The following CRYBB2 variants were observed in gnomAD, a reference collection of about 807,000 sequenced individuals.
CRYBB2 encodes crystallin beta B2, also known as beta-crystallin B2.
CRYBB2 carries 12 observed loss-of-function variants against 24.3 expected under a neutral mutation model. The ratio of observed to expected loss-of-function variants is 0.49; its 90% confidence interval spans 0.32 to 0.80. CRYBB2 has a LOEUF of 0.80. CRYBB2 is among the 30% of genes least tolerant of loss of function. The pLI is 0.04. For missense variants in CRYBB2, 198 were observed against 268.5 expected (o/e 0.74, Z 1.83); for synonymous variants, 98 against 101.6 (o/e 0.96, Z 0.21).
At chr22:25,219,958 C>A (rs896114625) in intron 1 of CRYBB2, among the ~76,000 whole-genome samples, 8 of 152,008 alleles carry the variant, frequency 5.3e-5, no homozygotes, top group Non-Finnish European at 2.9e-5. Flanking sequence ...TTTCGCCAGT[C>A]GCTGAGGAGG....
chr22:25,218,705 G>GA (rs1935227408), upstream of CRYBB2, among the ~76,000 whole-genome samples: 3 of 47,274 alleles, frequency 6.3e-5, 1 homozygote, highest in Non-Finnish European at 9.9e-5. Context: ...AGAGAGAGAG[G>GA]GGGAGAGAGA....
rs11277566 is a variant in CRYBB2 at position 25,231,321 on chromosome 22, CCAGTA to C, written c.450-254_450-250del. On this transcript the variant is annotated intron_variant, in intron 5 of 5. Transcript: ENST00000398215. ...AAGATATCACCCCCTTGCTCTGACC[CCAGTA>C]CAGTACAGTACAGTACAGTACAGTA... Among the ~76,000 whole-genome samples, 48,701 of 149,370 alleles carry C rather than the reference CCAGTA, an allele frequency of 0.33. 8,855 individuals are homozygous for C. Among genetic ancestry groups the C allele is most frequent in the East Asian group, 0.48 (2,269 of 4,754 alleles).
intron 3 of CRYBB2, among the ~76,000 whole-genome samples, chr22:25,226,381 A>G (rs1400951368): frequency 3.9e-5 from 6 of 152,218 alleles, no homozygotes; most frequent in Non-Finnish European, 8.8e-5. Flanking sequence ...ATGCTTTAAA[A>G]TGGAGGTTCT....
At chr22:25,228,612 A>G (rs1935465102) in intron 4 of CRYBB2, among the ~76,000 whole-genome samples, 1 of 152,140 alleles carries the variant, frequency 6.6e-6, no homozygotes, top group Admixed American at 6.5e-5. Context: ...CCCAGGACCT[A>G]CTGGAAGGTT....
At chr22:25,218,041 T>C (rs181326899), upstream of CRYBB2, among the ~76,000 whole-genome samples, 556 of 149,480 alleles carry the variant, frequency 3.7e-3, 1 homozygote, top group Non-Finnish European at 5.9e-3. Flanking sequence ...GGGCGGATAA[T>C]GAGGTCAGGA....
Position 25,231,608 on chromosome 22 carries a change from G to A in CRYBB2, c.454G>A (p.Val152Ile). 6.2e-7 allele frequency: 1 copy of A among 1,614,104 alleles called. No homozygotes were observed. Among genetic ancestry groups the A allele is most frequent in the Non-Finnish European group, 8.5e-7 (1 of 1,180,008 alleles). ...CCATCACCTCTGGCCCTGCAGGTGG[G>A]TTGGCTACCAGTACCCCGGCTACCG... ...SSVRVQSGTW[V>I]GYQYPGYRGL... The change falls in exon 6 of 6, where the codon GTT becomes ATT. Residue 152 changes from valine (V) to isoleucine (I), a missense_variant. Transcript: ENST00000398215.
chr22:25,220,137 C>G (rs1935294701), intron 1 of CRYBB2, among the ~76,000 whole-genome samples: 1 of 152,098 alleles, frequency 6.6e-6, no homozygotes, highest in Non-Finnish European at 1.5e-5. Flanking sequence ...TGACAGGTCC[C>G]AGCAACAGGT....
chr22:25,227,745 G>T (rs142846156), intron 3 of CRYBB2, 108 bp from the exon 4 acceptor site: 1 of 1,583,570 alleles, frequency 6.3e-7, no homozygotes, highest in African/African-American at 1.3e-5. Flanking sequence ...ACATCTTGCC[G>T]GGCTGGGCAA....
At chr22:25,218,780 A>AGAGAGAGAGAG (rs1197095284), upstream of CRYBB2, among the ~76,000 whole-genome samples, 1 of 23,428 alleles carries the variant, frequency 4.3e-5, no homozygotes, top group Non-Finnish European at 8.9e-5. Context: ...AGAGAGAGAG[A>AGAGAGAGAGAG]AGAAAGAAAG....
chr22:25,220,312 A>T (rs75534620), intron 1 of CRYBB2, among the ~76,000 whole-genome samples: 2,282 of 152,294 alleles, frequency 0.015, 63 homozygotes, highest in African/African-American at 0.052. Flanking sequence ...ATTAGACATC[A>T]TTACTGTCCC....
At chr22:25,218,824 AAGAAAGAAAG>A (rs1569016476), upstream of CRYBB2, among the ~76,000 whole-genome samples, 1 of 118,314 alleles carries the variant, frequency 8.5e-6, no homozygotes, top group South Asian at 3.3e-4. Context: ...GAAAGAAAGA[AAGAAAGAAAG>A]AAAGAGAAAG....
chr22:25,214,753 G>A (rs1935145914), upstream of CRYBB2, among the ~76,000 whole-genome samples: 1 of 152,186 alleles, frequency 6.6e-6, no homozygotes, highest in South Asian at 2.1e-4. Context: ...GCAAGTGTGG[G>A]AAACTGAGGT....
At chr22:25,217,810 G>C (rs900519506), upstream of CRYBB2, among the ~76,000 whole-genome samples, 4 of 152,160 alleles carry the variant, frequency 2.6e-5, no homozygotes, top group African/African-American at 9.7e-5. Context: ...TAGGGGGCTG[G>C]GGCATGTGTG....
upstream of CRYBB2, among the ~76,000 whole-genome samples, chr22:25,218,169 G>T (rs1262773844): frequency 1.3e-5 from 2 of 151,758 alleles, no homozygotes; most frequent in Non-Finnish European, 2.9e-5. Context: ...TGAAGGAGGA[G>T]AATGGTGTGA....
At position 25,229,720 on chromosome 22, in the gene CRYBB2, A is replaced by G. The variant is rs866099970; in HGVS notation, c.449+142A>G. On this transcript the variant is annotated intron_variant, in intron 5 of 5. Transcript: ENST00000398215. ...ACCTCTGGCTTCCCACTGGAAAGTA[A>G]ATGGGAATTCTCTGCCCATAGGTGG... The G allele has an allele frequency of 7.6e-5, 84 of 1,098,534 alleles. No individual in the cohort carries two copies. The Middle Eastern group carries it at 2.6e-3, about 33-fold the overall frequency. The allele number at this position is 1,098,534 out of a possible 1,614,324, so 68.0% of individuals were successfully genotyped here.
intron 4 of CRYBB2, among the ~76,000 whole-genome samples, chr22:25,229,072 C>G (rs554411227): frequency 1.5e-5 from 2 of 137,714 alleles, no homozygotes; most frequent in African/African-American, 5.5e-5. Flanking sequence ...TGCATGTGTG[C>G]GTGTGCACAC....
upstream of CRYBB2, among the ~76,000 whole-genome samples, chr22:25,218,690 A>AGAGAGAG (rs146184218): frequency 3.8e-5 from 3 of 78,586 alleles, no homozygotes; most frequent in African/African-American, 2.3e-4. Flanking sequence ...GAAAGAAAGA[A>AGAGAGAG]AGAGAGAGAG....
upstream of CRYBB2, among the ~76,000 whole-genome samples, chr22:25,218,771 GAGAGAGAGAAGAAAGAAAGAAAGA>G (rs1935247281): frequency 1.1e-4 from 2 of 17,590 alleles, no homozygotes; most frequent in Non-Finnish European, 2.0e-4. Flanking sequence ...GAGAGAGAGA[GAGAGAGAGAAGAAAGAAAGAAAGA>G]AAGAAAGAAA....
At chr22:25,224,132 AAAAC>A (rs1342878033) in intron 2 of CRYBB2, among the ~76,000 whole-genome samples, 1 of 150,224 alleles carries the variant, frequency 6.7e-6, no homozygotes, top group Admixed American at 6.6e-5. Context: ...TCAAAAAAAA[AAAAC>A]AAAAAACCTC....
Sources: gnomAD v4.1 joint callset for allele counts (sites outside exome capture counted in the v4.1 genomes callset) on GRCh38, gnomAD v4.1.1 for gene constraint, MANE v1.5 for transcripts, NCBI Gene and HGNC (gene_info 2026-07-23, HGNC 2026-07-21) for gene names.